PPP4R4: variants seen among roughly 807,000 people sequenced by gnomAD.
PPP4R4 encodes serine/threonine-protein phosphatase 4 regulatory subunit 4.
Under a neutral mutation model 121.8 loss-of-function variants are expected in PPP4R4, and 70 were observed. The observed-to-expected ratio is 0.57, with a 90% CI of 0.47 to 0.70. The LOEUF (loss-of-function observed/expected upper bound fraction) is 0.70, where lower values mean the gene tolerates loss of function less well. Among genes scored for constraint, PPP4R4 ranks in the 30% least tolerant of loss-of-function variants. PPP4R4 has a pLI of 0.00. For missense variants in PPP4R4, 875 were observed against 1,033.6 expected, an observed-to-expected ratio of 0.85 and a Z score of 2.10; for synonymous variants, 348 against 355.7, an observed-to-expected ratio of 0.98 and a Z score of 0.24.
intron 10 of PPP4R4, 57 bp downstream of exon 10, chr14:94,242,014 G>A (rs2139571000): frequency 2.7e-6 from 4 of 1,458,700 alleles, no homozygotes; most frequent in South Asian, 1.3e-5. Context: ...TAAAATATGT[G>A]CATAGATGGC....
intron 23 of PPP4R4, 64 bp from the exon 24 acceptor site, chr14:94,275,310 T>A: frequency 6.4e-7 from 1 of 1,550,908 alleles, no homozygotes. Context: ...AACCTTTTCT[T>A]CTCTTTGGTT....
chr14:94,277,402 A>G (rs1456587083), intron 24 of PPP4R4, among the ~76,000 whole-genome samples: 1 of 152,178 alleles, frequency 6.6e-6, no homozygotes. Flanking sequence ...TGCAAAGTTC[A>G]ACTCAGCGCA....
intron 3 of PPP4R4, chr14:94,227,349 G>T (rs777149402): frequency 6.2e-7 from 1 of 1,611,994 alleles, no homozygotes; most frequent in Non-Finnish European, 8.5e-7. Context: ...TGTCCAGAGG[G>T]TGTGACTCTG....
At position 94,240,793 on chromosome 14, in the gene PPP4R4, A is replaced by G; in HGVS notation, c.974A>G (p.Tyr325Cys). 6.4e-7 allele frequency: 1 copy of G among 1,566,072 alleles called. No homozygotes were observed. Among genetic ancestry groups the G allele is most frequent in the Non-Finnish European group, 8.6e-7 (1 of 1,162,074 alleles). Residue 325 changes from tyrosine (Y) to cysteine (C), a missense_variant and splice_region_variant, in exon 9 of 25, where the codon TAT (tyrosine) becomes TGT (cysteine). Physicochemically the swap from Tyr to Cys is radical, Grantham distance 194. Transcript: ENST00000304338. ...TTAGGAAAACTATGTCATGGACTAT[A>G]TGGTATGATATATCCTAAGAATTTT... ...FHLGKLCHGL[Y>C]GIFTPDQHLR... is the part of the protein sequence containing the mutation.
At chr14:94,247,859 G>A (rs1485480752) in intron 14 of PPP4R4, among the ~76,000 whole-genome samples, 2 of 152,114 alleles carry the variant, frequency 1.3e-5, no homozygotes, top group Admixed American at 1.3e-4. Flanking sequence ...ATAAAGTCCA[G>A]TGTCTCTTTG....
intron 14 of PPP4R4, among the ~76,000 whole-genome samples, chr14:94,249,319 C>T (rs1014706226): frequency 3.3e-5 from 5 of 151,970 alleles, no homozygotes; most frequent in African/African-American, 1.2e-4. Context: ...TTAAAAACCC[C>T]ACTCAAATTG....
intron 23 of PPP4R4, among the ~76,000 whole-genome samples, chr14:94,269,574 A>G (rs1398255911): frequency 6.6e-6 from 1 of 151,568 alleles, no homozygotes; most frequent in Non-Finnish European, 1.5e-5. Flanking sequence ...CCAGCTACTC[A>G]GGAGGCTGAG....
At chr14:94,180,303 C>G (rs1426296467) in intron 2 of PPP4R4, among the ~76,000 whole-genome samples, 1 of 152,194 alleles carries the variant, frequency 6.6e-6, no homozygotes, top group African/African-American at 2.4e-5. Flanking sequence ...CCATTAACTT[C>G]GTTTGCTAAT....
At chr14:94,227,834 G>A (rs1234254241) in intron 3 of PPP4R4, 1 of 986,388 alleles carries the variant, frequency 1.0e-6, no homozygotes. Context: ...AATAAAAGCT[G>A]TGCCTTCTGA....
At chr14:94,256,746 T>C (rs756702109) in intron 17 of PPP4R4, 142 bp downstream of exon 17, 11 of 968,648 alleles carry the variant, frequency 1.1e-5, no homozygotes, top group Non-Finnish European at 1.5e-5. Flanking sequence ...GTAAATGATT[T>C]GGTTGATATG....
intron 22 of PPP4R4, 116 bp downstream of exon 22, chr14:94,266,003 C>T: frequency 1.4e-6 from 1 of 705,586 alleles, no homozygotes; most frequent in Non-Finnish European, 2.2e-6. Flanking sequence ...TTTTTATAGG[C>T]CAGTATTTTG....
chr14:94,205,525 A>G (rs944531150), intron 2 of PPP4R4, among the ~76,000 whole-genome samples: 1 of 151,072 alleles, frequency 6.6e-6, no homozygotes, highest in African/African-American at 2.4e-5. Flanking sequence ...TATTTTTATT[A>G]TTAATCTCAT....
intron 23 of PPP4R4, 116 bp from the exon 24 acceptor site, chr14:94,275,258 C>T (rs1894570855): frequency 5.1e-6 from 6 of 1,165,260 alleles, no homozygotes; most frequent in Non-Finnish European, 7.4e-6. Context: ...AAATTATACC[C>T]TCATAAAATT....
At position 94,246,527 on chromosome 14, in the gene PPP4R4, C is replaced by G; in HGVS notation, c.1599C>G (p.Ile533Met). 1 of 1,612,278 alleles carries G rather than the reference C, an allele frequency of 6.2e-7. No homozygotes were observed. Among genetic ancestry groups the G allele is most frequent in the Non-Finnish European group, 8.5e-7 (1 of 1,178,818 alleles). Reference sequence around the variant, plus strand: ...GTTTCTTACAAAGAATGTTCACAATCATGATGACAAATGTGAGCTCAGTAC... The same window carrying G: ...GTTTCTTACAAAGAATGTTCACAATGATGATGACAAATGTGAGCTCAGTAC... ...YYRFLQRMFT[I>M]MMTNNVLPVQ... is the part of the protein sequence containing the mutation. The change falls in exon 14 of 25, where the codon ATC (isoleucine) becomes ATG (methionine). Residue 533 changes from isoleucine to methionine, a missense_variant. Ile to Met is a conservative substitution (Grantham distance 10). Transcript: ENST00000304338.
Position 94,246,521 on chromosome 14 carries a change from C to G in PPP4R4, c.1593C>G (p.Phe531Leu). Residue 531 changes from phenylalanine to leucine, a missense_variant, in exon 14 of 25, where the codon TTC (phenylalanine) becomes TTG (leucine). Phe to Leu is a conservative substitution (Grantham distance 22, BLOSUM62 0). Coordinates refer to ENST00000304338, the MANE Select transcript of PPP4R4 (RefSeq NM_058237.2). Reference protein sequence around the residue: ...QIYYRFLQRMFTIMMTNNVLP... With the variant: ...QIYYRFLQRMLTIMMTNNVLP... ...ATTACCGTTTCTTACAAAGAATGTT[C>G]ACAATCATGATGACAAATGTGAGCT... 5.6e-6 allele frequency: 9 copies of G among 1,612,904 alleles called. No individual in the cohort carries two copies. The highest frequency in any genetic ancestry group is 7.6e-6 in the Non-Finnish European group (9 of 1,179,256).
chr14:94,183,447 A>G (rs1889096871), intron 2 of PPP4R4, among the ~76,000 whole-genome samples: 1 of 152,192 alleles, frequency 6.6e-6, no homozygotes, highest in Non-Finnish European at 1.5e-5. Flanking sequence ...AAATTACTGA[A>G]GTCTTTGGCA....
chr14:94,188,420 A>G (rs1032077634), intron 2 of PPP4R4, among the ~76,000 whole-genome samples: 9 of 152,030 alleles, frequency 5.9e-5, no homozygotes, highest in African/African-American at 2.2e-4. Context: ...TTTTGATTGT[A>G]TTTTATGAAG....
chr14:94,212,485 C>T (rs1890795531), intron 3 of PPP4R4, among the ~76,000 whole-genome samples: 1 of 152,034 alleles, frequency 6.6e-6, no homozygotes, highest in Admixed American at 6.5e-5. Flanking sequence ...AATGGTAGTG[C>T]AGTTAGGCCA....
chr14:94,208,353 A>T, intron 2 of PPP4R4, 111 bp from the exon 3 acceptor site: 1 of 647,594 alleles, frequency 1.5e-6, no homozygotes, highest in Non-Finnish European at 2.4e-6. Flanking sequence ...TAGAAGTCTG[A>T]GTGCTTAACA....
Sources: gnomAD v4.1 joint callset for allele counts (sites outside exome capture counted in the v4.1 genomes callset) on GRCh38, gnomAD v4.1.1 for gene constraint, MANE v1.5 for transcripts, NCBI Gene and HGNC (gene_info 2026-07-23, HGNC 2026-07-21) for gene names.